FARS2: variants seen among roughly 807,000 people sequenced by gnomAD.
The protein encoded by FARS2 is phenylalanine--tRNA ligase, mitochondrial.
Under a neutral mutation model 46.4 loss-of-function variants are expected in FARS2, and 40 were observed. That is an observed-to-expected ratio of 0.86 (90% CI 0.67 to 1.12). FARS2 has a LOEUF of 1.12. Among genes scored for constraint, FARS2 ranks in the 50% most tolerant of loss-of-function variants. The pLI is 0.00. For synonymous variants in FARS2, 234 were observed against 214.9 expected, an observed-to-expected ratio of 1.09 and a Z score of -0.78; for missense variants, 513 against 567.9, an observed-to-expected ratio of 0.90 and a Z score of 0.98.
intron 4 of FARS2, among the ~76,000 whole-genome samples, chr6:5,538,597 G>A (rs1770367265): frequency 6.6e-6 from 1 of 152,068 alleles, no homozygotes; most frequent in Admixed American, 6.5e-5. Context: ...CCCAAGATCC[G>A]AAGTCATTTT....
At chr6:5,341,528 AT>A (rs1226255670) in intron 1 of FARS2, among the ~76,000 whole-genome samples, 1 of 149,066 alleles carries the variant, frequency 6.7e-6, no homozygotes. Flanking sequence ...TATTTTATCT[AT>A]TTTTTTTGAG....
At chr6:5,446,689 G>A (rs1459900599) in intron 4 of FARS2, among the ~76,000 whole-genome samples, 1 of 152,180 alleles carries the variant, frequency 6.6e-6, no homozygotes, top group African/African-American at 2.4e-5. Context: ...TAGTTTAGAC[G>A]ACAGGGGCTG....
chr6:5,365,013 C>T lies in FARS2; in HGVS notation c.-21-3537C>T, dbSNP rs192093803. ...CCAGTAAGCCATGATCATCCCACTG[C>T]ACTCCAGCCTGGGTGACAGAGTAAG... On this transcript the variant is annotated intron_variant, in intron 1 of 6. Transcript: ENST00000274680. 2.0e-3 allele frequency among the ~76,000 whole-genome samples: 308 copies of T among 151,820 alleles called. 1 individual carries two copies. The highest frequency in any genetic ancestry group is 7.0e-3 in the African/African-American group (289 of 41,356).
chr6:5,381,406 TACAC>T (rs773053847), intron 2 of FARS2, among the ~76,000 whole-genome samples: 1 of 115,320 alleles, frequency 8.7e-6, no homozygotes, highest in African/African-American at 3.7e-5. Context: ...CACACACACA[TACAC>T]ACACACACAC....
At chr6:5,735,378 G>A (rs898195965) in intron 6 of FARS2, among the ~76,000 whole-genome samples, 1 of 152,196 alleles carries the variant, frequency 6.6e-6, no homozygotes, top group Admixed American at 6.5e-5. Flanking sequence ...TCACACTAGT[G>A]GACTGGACCA....
At chr6:5,325,084 C>G (rs72815635) in intron 1 of FARS2, among the ~76,000 whole-genome samples, 2 of 152,078 alleles carry the variant, frequency 1.3e-5, no homozygotes, top group African/African-American at 4.8e-5. Context: ...TGGTTTTGTT[C>G]GGTCTTTTTA....
chr6:5,330,606 G>A (rs574352249), intron 1 of FARS2, among the ~76,000 whole-genome samples: 1 of 152,232 alleles, frequency 6.6e-6, no homozygotes, highest in South Asian at 2.1e-4. Context: ...ATATTATGGA[G>A]TAGCAAATGA....
chr6:5,536,328 G>A (rs1770198636), intron 4 of FARS2, among the ~76,000 whole-genome samples: 1 of 152,078 alleles, frequency 6.6e-6, no homozygotes, highest in Admixed American at 6.5e-5. Context: ...ACCGTGCCTG[G>A]CCTAATTTAT....
At chr6:5,421,125 G>A (rs1762524896) in intron 3 of FARS2, among the ~76,000 whole-genome samples, 2 of 152,142 alleles carry the variant, frequency 1.3e-5, no homozygotes, top group Non-Finnish European at 2.9e-5. Context: ...TGAAATCTAG[G>A]TGGAGGTTCC....
At chr6:5,681,825 C>T (rs1242324126) in intron 6 of FARS2, among the ~76,000 whole-genome samples, 1 of 152,204 alleles carries the variant, frequency 6.6e-6, no homozygotes, top group African/African-American at 2.4e-5. Flanking sequence ...TCTTTTGGTG[C>T]TTTTCCTGAG....
chr6:5,398,191 T>G (rs1275076560), intron 2 of FARS2, among the ~76,000 whole-genome samples: 1 of 152,212 alleles, frequency 6.6e-6, no homozygotes, highest in East Asian at 1.9e-4. Flanking sequence ...CCTATTAACT[T>G]TGGATTCCCT....
At chr6:5,321,965 C>G (rs181418926) in intron 1 of FARS2, among the ~76,000 whole-genome samples, 3 of 152,302 alleles carry the variant, frequency 2.0e-5, no homozygotes, top group Admixed American at 6.5e-5. Flanking sequence ...TCAACCAGCT[C>G]TTGGTGCTAA....
intron 1 of FARS2, among the ~76,000 whole-genome samples, chr6:5,365,388 G>A (rs1758599528): frequency 7.5e-6 from 1 of 134,062 alleles, no homozygotes; most frequent in African/African-American, 2.8e-5. Context: ...CTGGAGTGCA[G>A]TGGTGCAATC....
At chr6:5,551,576 G>A (rs143685852) in intron 5 of FARS2, among the ~76,000 whole-genome samples, 23 of 152,262 alleles carry the variant, frequency 1.5e-4, no homozygotes, top group Non-Finnish European at 2.2e-4. Context: ...ACAAAAATAC[G>A]TATTAGTTTC....
intron 1 of FARS2, among the ~76,000 whole-genome samples, chr6:5,309,223 G>A (rs773373197): frequency 7.9e-5 from 12 of 152,132 alleles, no homozygotes; most frequent in Non-Finnish European, 1.2e-4. Flanking sequence ...AGATGAATAT[G>A]AGGCATATAT....
chr6:5,682,403 T>C (rs1376796939), intron 6 of FARS2, among the ~76,000 whole-genome samples: 1 of 152,226 alleles, frequency 6.6e-6, no homozygotes, highest in Non-Finnish European at 1.5e-5. Context: ...CCTTGTATTT[T>C]TTTAAGGTAG....
intron 3 of FARS2, among the ~76,000 whole-genome samples, chr6:5,409,309 G>C (rs1255289016): frequency 6.6e-6 from 1 of 152,046 alleles, no homozygotes; most frequent in Admixed American, 6.6e-5. Flanking sequence ...AAATTAGCTG[G>C]GCGTGGTGGC....
At position 5,765,663 on chromosome 6, in the gene FARS2, G is replaced by A. The variant is rs1014468582; in HGVS notation, c.1218-5628G>A. On this transcript the variant is annotated intron_variant, in intron 6 of 6. Coordinates refer to ENST00000274680, the MANE Select transcript of FARS2 (RefSeq NM_006567.5). This position sits in a 1 kb window ranked among gnomAD's most constrained non-coding sequence, Gnocchi z 4.0. ...GAGAACATGAGGTTCCACGTGGGGTGCGGTGTGGCTGACTTCATCGCCAAG... is the reference window on the plus strand; with the variant it reads ...GAGAACATGAGGTTCCACGTGGGGTACGGTGTGGCTGACTTCATCGCCAAG... 6.6e-6 allele frequency among the ~76,000 whole-genome samples: 1 copy of A among 152,272 alleles called. No individual in the cohort carries two copies. The highest frequency in any genetic ancestry group is 2.4e-5 in the African/African-American group (1 of 41,548).
At chr6:5,305,871 G>C (rs7769327) in intron 1 of FARS2, among the ~76,000 whole-genome samples, 19,181 of 152,204 alleles carry the variant, frequency 0.13, 2,596 homozygotes, top group African/African-American at 0.34. Context: ...GCAGTAGTCA[G>C]ATGGGGGTAT....
Sources: allele counts gnomAD v4.1 joint callset (sites outside exome capture counted in the v4.1 genomes callset), GRCh38; gene constraint gnomAD v4.1.1; non-coding constraint Gnocchi (gnomAD v3.1); transcripts MANE v1.5; gene names NCBI Gene and HGNC (gene_info 2026-07-23, HGNC 2026-07-21).